GAS6: variants seen among roughly 807,000 people sequenced by gnomAD.
The protein encoded by GAS6 is growth arrest specific 6, also known as growth arrest-specific protein 6.
A neutral mutation model predicts 75.8 loss-of-function variants in GAS6; 41 were observed. The observed-to-expected ratio is 0.54, with a 90% CI of 0.42 to 0.70. GAS6 has a LOEUF of 0.70. GAS6 is among the 30% of genes least tolerant of loss of function. The pLI, the probability that GAS6 is intolerant of heterozygous loss-of-function variation, is 0.00. For missense variants in GAS6, 854 were observed against 940.2 expected (o/e 0.91, Z 1.20); for synonymous variants, 432 against 412.6 (o/e 1.05, Z -0.57).
In GAS6 at chr13:113,823,312, G is replaced by A; in HGVS notation, c.1653+63C>T. On this transcript the variant is annotated intron_variant, in intron 13 of 14. Coordinates refer to ENST00000327773, the MANE Select transcript of GAS6 (RefSeq NM_000820.4). ...CGGGCCCCCTTCGTCCCCTGCCAGGGAGTGCAGCCCACGTACCCGTGGGTC... is the reference window on the plus strand; with the variant it reads ...CGGGCCCCCTTCGTCCCCTGCCAGGAAGTGCAGCCCACGTACCCGTGGGTC... 3 of 1,504,732 alleles carry A rather than the reference G, an allele frequency of 2.0e-6. No individual in the cohort carries two copies. The East Asian group carries it at 6.9e-5, about 35-fold the overall frequency. The allele number at this position is 1,504,732 out of a possible 1,614,324, so 93.2% of individuals were successfully genotyped here. A position where few individuals can be genotyped will look rare whatever the true frequency, so the allele number is the denominator to read the frequency against.
chr13:113,847,196 G>A lies in GAS6; in HGVS notation c.281-607C>T, dbSNP rs565330893. ...GCGCAGAACGGCACGGATGAACAGC[G>A]GAAGGCCTCCTGCAGGTGTGCTGTG... On this transcript the variant is annotated intron_variant, in intron 3 of 14. Transcript: ENST00000327773. 6.3e-5 allele frequency: 18 copies of A among 285,776 alleles called. 1 individual carries two copies. The highest frequency in any genetic ancestry group is 3.8e-4 in the South Asian group (13 of 34,400). The allele number at this position is 285,776 out of a possible 1,614,324, so 17.7% of individuals were successfully genotyped here. A position where few individuals can be genotyped will look rare whatever the true frequency, so the allele number is the denominator to read the frequency against.
chr13:113,838,133 C>A lies in GAS6; in HGVS notation c.525G>T (p.Pro175=), dbSNP rs144311791. ...TGTGGCAGGAACAGTGGAAGCTACC[C>A]GGCTTGTTGTGGCAGATCTGGAGGC... ...GGCLQICHNK[P]GSFHCSCHSG... The change falls in exon 6 of 15, where the codon CCG becomes CCT. Residue 175 remains proline, a synonymous_variant. Coordinates refer to ENST00000327773, the MANE Select transcript of GAS6 (RefSeq NM_000820.4). The A allele has an allele frequency of 6.8e-6, 11 of 1,612,778 alleles. No homozygotes were observed. The South Asian group carries it at 8.8e-5, about 13-fold the overall frequency.
intron 4 of GAS6, chr13:113,842,473 T>G: frequency 2.5e-6 from 1 of 395,632 alleles, no homozygotes; most frequent in Non-Finnish European, 4.4e-6. Flanking sequence ...GCCCCATCCC[T>G]GACACTGCTG....
At chr13:113,822,271 C>A in intron 13 of GAS6, 85 bp from the exon 14 acceptor site, 3 of 1,075,086 alleles carry the variant, frequency 2.8e-6, no homozygotes, top group Non-Finnish European at 3.9e-6. Flanking sequence ...CAGCTGCTGG[C>A]CACCCCTACG....
At chr13:113,839,959 C>T (rs1438501051) in intron 4 of GAS6, 109 bp from the exon 5 acceptor site, 2 of 1,532,814 alleles carry the variant, frequency 1.3e-6, no homozygotes, top group South Asian at 1.1e-5. Context: ...CCCGGAGGAG[C>T]TCTGAGGGGC....
chr13:113,833,868 G>A, intron 8 of GAS6: 1 of 1,032,136 alleles, frequency 9.7e-7, no homozygotes. Context: ...GTCGGTGTGA[G>A]ACACTGGTGT....
At chr13:113,854,314 C>T (rs897660238) in intron 2 of GAS6, among the ~76,000 whole-genome samples, 3 of 152,226 alleles carry the variant, frequency 2.0e-5, no homozygotes, top group African/African-American at 4.8e-5. Context: ...ACAGAAGCCC[C>T]GAGACACACA....
chr13:113,837,145 C>T lies in GAS6; in HGVS notation c.589+924G>A, dbSNP rs80285375. ...AGAGCAGTGATGGGAGGGGCTCTGT[C>T]CTCGGCGGGGAAATGGGTTTATGTG... On this transcript the variant is annotated intron_variant, in intron 6 of 14. Transcript: ENST00000327773. The surrounding 1 kb of genome is among the most constrained non-coding windows in gnomAD (Gnocchi z 5.1). Among the ~76,000 whole-genome samples the T allele has an allele frequency of 0.013, 1,942 of 152,000 alleles. 27 individuals carry two copies. Among genetic ancestry groups the T allele is most frequent in the Non-Finnish European group, 0.021 (1,395 of 67,946 alleles).
chr13:113,835,643 CA>C lies in GAS6; in HGVS notation c.590-9del, dbSNP rs760549233. On this transcript the variant is annotated splice_polypyrimidine_tract_variant and intron_variant, in intron 6 of 14. Coordinates refer to ENST00000327773, the MANE Select transcript of GAS6 (RefSeq NM_000820.4). Reference sequence around the variant, plus strand: ...CTGCGCACTCGTCTATGTCTGCAAGCAAAAAAAAACCGGCCAACCGCAGCAC... The same window carrying C: ...CTGCGCACTCGTCTATGTCTGCAAGCAAAAAAAACCGGCCAACCGCAGCAC... 5.7e-5 allele frequency: 90 copies of C among 1,587,126 alleles called. No homozygotes were observed. The highest frequency in any genetic ancestry group is 1.8e-4 in the Admixed American group (10 of 56,228).
chr13:113,860,498 G>C (rs984820904), intron 2 of GAS6, among the ~76,000 whole-genome samples: 1 of 152,194 alleles, frequency 6.6e-6, no homozygotes, highest in South Asian at 2.1e-4. Flanking sequence ...GGAGACCTCA[G>C]CAGGCCCTGG....
At chr13:113,847,894 G>T in intron 3 of GAS6, 132 bp downstream of exon 3, 1 of 842,038 alleles carries the variant, frequency 1.2e-6, no homozygotes, top group Non-Finnish European at 2.0e-6. Flanking sequence ...GTTCCGGACA[G>T]TTCCACGTGC....
chr13:113,853,208 C>A (rs1475988866), intron 2 of GAS6, among the ~76,000 whole-genome samples: 2 of 152,224 alleles, frequency 1.3e-5, no homozygotes, highest in East Asian at 3.9e-4. Context: ...AAGCACCTCA[C>A]GCAGCCTAAA....
intron 7 of GAS6, among the ~76,000 whole-genome samples, chr13:113,835,024 C>G (rs1170706717): frequency 4.6e-5 from 7 of 152,240 alleles, no homozygotes; most frequent in East Asian, 1.9e-4. Flanking sequence ...ACAGAGGGGC[C>G]GACAGCTGTG....
At chr13:113,857,774 T>A (rs1243690300) in intron 2 of GAS6, among the ~76,000 whole-genome samples, 1 of 152,104 alleles carries the variant, frequency 6.6e-6, no homozygotes, top group African/African-American at 2.4e-5. Flanking sequence ...TTAATTAGAG[T>A]TTTCCACAGA....
intron 14 of GAS6, chr13:113,821,403 C>T (rs2051456109): frequency 4.0e-6 from 1 of 247,096 alleles, no homozygotes; most frequent in African/African-American, 2.2e-5. Context: ...GAGAGAAATC[C>T]TGCCGTTTGC....
chr13:113,841,965 ACGC>A, intron 4 of GAS6: 1 of 117,308 alleles, frequency 8.5e-6, no homozygotes, highest in South Asian at 3.2e-4. Flanking sequence ...TTTCCTCCAT[ACGC>A]CTCAATTTTC....
Position 113,832,672 on chromosome 13 carries a change from G to A in GAS6, c.915C>T (p.Pro305=), listed in dbSNP as rs542438763. Residue 305 remains proline, a synonymous_variant, in exon 9 of 15, where the codon CCC becomes CCT. Transcript: ENST00000327773. The part of the protein sequence containing the change: ...LYLGRMFSGT[P]VIRLRFKRLQ... ...GCCTCTTGAAGCGCAGTCGGATCAC[G>A]GGGGTCCCACTGAACATCCGGCCCA... 16 of 1,612,756 alleles carry A rather than the reference G, an allele frequency of 9.9e-6. No individual in the cohort carries two copies. The highest frequency in any genetic ancestry group is 1.1e-5 in the South Asian group (1 of 91,084).
At chr13:113,847,706 T>C (rs2051845063) in intron 3 of GAS6, 2 of 381,788 alleles carry the variant, frequency 5.2e-6, no homozygotes, top group Non-Finnish European at 9.5e-6. Context: ...CAGAAGTGAT[T>C]AGTGCTGAGG....
intron 14 of GAS6, 123 bp from the exon 15 acceptor site, chr13:113,821,141 T>C: frequency 9.7e-7 from 1 of 1,026,428 alleles, no homozygotes. Flanking sequence ...AGGGTTTCCC[T>C]TTCTTCTCTA....
Sources: gnomAD v4.1 joint callset for allele counts (sites outside exome capture counted in the v4.1 genomes callset) on GRCh38, gnomAD v4.1.1 for gene constraint, Gnocchi (gnomAD v3.1) non-coding constraint, MANE v1.5 for transcripts, NCBI Gene and HGNC (gene_info 2026-07-23, HGNC 2026-07-21) for gene names.